The following RYR2 variants were observed in gnomAD, a reference collection of about 807,000 sequenced individuals.
The protein encoded by RYR2 is cardiac muscle ryanodine receptor-calcium release channel.
RYR2 carries 227 observed loss-of-function variants against 601.1 expected under a neutral mutation model. The ratio of observed to expected loss-of-function variants is 0.38; its 90% CI spans 0.34 to 0.42. The LOEUF (loss-of-function observed/expected upper bound fraction) is 0.42. Among genes scored for constraint, RYR2 ranks in the 10% least tolerant of loss-of-function variants. RYR2 has a pLI of 1.00. For synonymous variants in RYR2, 2,223 were observed against 2,175.1 expected, an observed-to-expected ratio of 1.02 and a Z score of -0.61; for missense variants, 4,646 against 6,156.5, an observed-to-expected ratio of 0.75 and a Z score of 8.21.
intron 17 of RYR2, among the ~76,000 whole-genome samples, chr1:237,477,095 A>G (rs1157538509): frequency 6.6e-6 from 1 of 152,210 alleles, no homozygotes; most frequent in Non-Finnish European, 1.5e-5. Context: ...AAAACTGCTT[A>G]TTAGAAAACA....
rs1386697770 is a variant in RYR2, at chr1:237,727,086, G to A, written c.10726-1G>A. 6.9e-7 allele frequency: 1 copy of A among 1,455,610 alleles called. No homozygotes were observed. The highest frequency in any genetic ancestry group is 9.7e-7 in the Non-Finnish European group (1 of 1,035,724). The allele number at this position is 1,455,610 out of a possible 1,614,324, so 90.2% of individuals were successfully genotyped here. On this transcript the variant is annotated splice_acceptor_variant, in intron 75 of 104. Coordinates refer to ENST00000366574, the MANE Select transcript of RYR2 (RefSeq NM_001035.3). LOFTEE classifies it high-confidence loss of function. Reference sequence around the variant, plus strand: ...TATTTATTTGTGTCATTCTACCTCAGGTGGAACATCCTCAGAGATCTAAAA... The same window carrying A: ...TATTTATTTGTGTCATTCTACCTCAAGTGGAACATCCTCAGAGATCTAAAA...
intron 8 of RYR2, among the ~76,000 whole-genome samples, chr1:237,383,473 A>T (rs1399779978): frequency 3.6e-5 from 4 of 112,252 alleles, no homozygotes; most frequent in Non-Finnish European, 6.6e-5. Flanking sequence ...TCTGTCGCCT[A>T]GGCTGGAGTA....
rs12079232 is a variant in RYR2, at chr1:237,225,738, C to G, written c.49-44759C>G. Among the ~76,000 whole-genome samples the G allele has an allele frequency of 1.8e-3, 277 of 152,250 alleles. 2 individuals carry two copies. The highest frequency in any genetic ancestry group is 6.4e-3 in the African/African-American group (266 of 41,556). On this transcript the variant is annotated intron_variant, in intron 1 of 104. Coordinates refer to ENST00000366574, the MANE Select transcript of RYR2 (RefSeq NM_001035.3). ...GTGGGACTAGAGGGAATTCTTCTTA[C>G]TGGACACCAGAAGAGTGTTAAAAGG... is the stretch of plus-strand genomic sequence containing the variant.
intron 103 of RYR2, 83 bp from the exon 104 acceptor site, chr1:237,831,431 A>G (rs1227280731): frequency 6.4e-6 from 5 of 776,832 alleles, no homozygotes; most frequent in East Asian, 2.6e-5. Context: ...ATTGATTGCA[A>G]CCATACAATT....
chr1:237,601,275 T>A (rs1311923115), intron 34 of RYR2, among the ~76,000 whole-genome samples: 1 of 152,170 alleles, frequency 6.6e-6, no homozygotes, highest in Non-Finnish European at 1.5e-5. Context: ...GAACCTGTCA[T>A]TCGCACCAAT....
At chr1:237,782,132 G>A (rs539041899) in intron 89 of RYR2, among the ~76,000 whole-genome samples, 14 of 140,060 alleles carry the variant, frequency 1.0e-4, no homozygotes, top group Non-Finnish European at 2.2e-4. Context: ...CACAGCCTCA[G>A]TTTTAATTTT....
intron 49 of RYR2, among the ~76,000 whole-genome samples, chr1:237,649,507 G>T (rs192366169): frequency 1.7e-3 from 265 of 152,242 alleles, no homozygotes; most frequent in Non-Finnish European, 2.9e-3. Flanking sequence ...ACGCATATGA[G>T]ATCTATTGTG....
At chr1:237,787,597 CAAAAAAAAAA>C (rs778668137) in intron 91 of RYR2, among the ~76,000 whole-genome samples, 5 of 60,396 alleles carry the variant, frequency 8.3e-5, no homozygotes, top group East Asian at 5.7e-4. Context: ...GTCTCAAAAA[CAAAAAAAAAA>C]AAAAAAAAAA....
intron 3 of RYR2, among the ~76,000 whole-genome samples, chr1:237,350,863 A>C (rs1394556024): frequency 6.6e-6 from 1 of 151,886 alleles, no homozygotes; most frequent in Non-Finnish European, 1.5e-5. Context: ...TATTACAATA[A>C]TCAGGCAAAT....
intron 10 of RYR2, among the ~76,000 whole-genome samples, chr1:237,400,112 T>G (rs185963849): frequency 2.5e-4 from 38 of 152,202 alleles, no homozygotes; most frequent in Non-Finnish European, 3.8e-4. Context: ...GGAGATTGTA[T>G]CAAAATCAAA....
intron 79 of RYR2, among the ~76,000 whole-genome samples, chr1:237,735,528 A>C (rs754052935): frequency 3.3e-5 from 5 of 152,188 alleles, no homozygotes; most frequent in Non-Finnish European, 7.3e-5. Context: ...GACAGGTTAC[A>C]GGACATAAGG....
At chr1:237,679,418 C>T (rs748574331) in intron 61 of RYR2, among the ~76,000 whole-genome samples, 3 of 152,058 alleles carry the variant, frequency 2.0e-5, no homozygotes, top group Non-Finnish European at 4.4e-5. Context: ...GGTGTAGTCC[C>T]CATTATATAT....
intron 19 of RYR2, 138 bp from the exon 20 acceptor site, chr1:237,496,373 G>A (rs544853249): frequency 1.8e-5 from 20 of 1,140,604 alleles, no homozygotes; most frequent in Middle Eastern, 2.9e-4. Context: ...GCACTACTGC[G>A]CTTCAGCCTA....
chr1:237,794,960 T>C (rs1357193704), intron 95 of RYR2, among the ~76,000 whole-genome samples: 1 of 152,234 alleles, frequency 6.6e-6, no homozygotes, highest in Non-Finnish European at 1.5e-5. Flanking sequence ...GATACTTTAA[T>C]TTTTAAAGGC....
At chr1:237,364,221 A>G (rs1287401790) in intron 4 of RYR2, 137 bp from the exon 5 acceptor site, 2 of 670,262 alleles carry the variant, frequency 3.0e-6, no homozygotes, top group Non-Finnish European at 4.7e-6. Flanking sequence ...TAACATGGTG[A>G]ATGTTTTTTT....
At chr1:237,595,355 C>G (rs1468826973) in intron 33 of RYR2, 143 bp from the exon 34 acceptor site, 1 of 880,692 alleles carries the variant, frequency 1.1e-6, no homozygotes, top group Non-Finnish European at 1.7e-6. Context: ...CTCAGAATCA[C>G]AGAATCGGGC....
intron 48 of RYR2, among the ~76,000 whole-genome samples, chr1:237,643,839 C>T (rs183829657): frequency 1.6e-3 from 241 of 152,262 alleles, no homozygotes; most frequent in African/African-American, 5.5e-3. Context: ...TGGTCTCGAT[C>T]TCCTGACCTC....
intron 1 of RYR2, among the ~76,000 whole-genome samples, chr1:237,056,535 T>C (rs1488193928): frequency 4.3e-3 from 214 of 49,262 alleles, no homozygotes; most frequent in Non-Finnish European, 5.8e-3. Flanking sequence ...GAGCACTGCG[T>C]CTGTGAGGAT....
intron 1 of RYR2, among the ~76,000 whole-genome samples, chr1:237,192,485 G>A (rs943265235): frequency 6.6e-6 from 1 of 152,220 alleles, no homozygotes; most frequent in African/African-American, 2.4e-5. Flanking sequence ...GAAGTGCCGG[G>A]ATTACAGGCA....
Sources: allele counts gnomAD v4.1 joint callset (sites outside exome capture counted in the v4.1 genomes callset), GRCh38; gene constraint gnomAD v4.1.1; transcripts MANE v1.5; gene names NCBI Gene and HGNC (gene_info 2026-07-23, HGNC 2026-07-21).